The following PBX3 variants were observed in gnomAD, a reference collection of about 807,000 sequenced individuals.
PBX3 encodes the protein pre-B-cell leukemia transcription factor 3.
PBX3 carries 14 observed loss-of-function variants against 48.5 expected under a neutral mutation model. The ratio of observed to expected loss-of-function variants is 0.29; its 90% CI spans 0.19 to 0.45. The LOEUF (loss-of-function observed/expected upper bound fraction) is 0.45. Among genes scored for constraint, PBX3 ranks in the 20% least tolerant of loss-of-function variants. The pLI is 1.00. For synonymous variants in PBX3, 210 were observed against 200.3 expected, an observed-to-expected ratio of 1.05 and a Z score of -0.41; for missense variants, 386 against 546.7, an observed-to-expected ratio of 0.71 and a Z score of 2.93.
At chr9:125,802,497 T>C (rs560727993) in intron 2 of PBX3, among the ~76,000 whole-genome samples, 1 of 150,574 alleles carries the variant, frequency 6.6e-6, no homozygotes, top group South Asian at 2.1e-4. Context: ...GCCTCCCAAG[T>C]AGCTGAGACT....
rs569427187 is a variant in PBX3 at position 125,804,195 on chromosome 9, T to C, written c.274+55572T>C. On this transcript the variant is annotated intron_variant, in intron 2 of 8. Coordinates refer to ENST00000373489, the MANE Select transcript of PBX3 (RefSeq NM_006195.6). ...TGTAGGTAATCAGTGGTAGGGTTTA[T>C]AAATATAGAGTTTATTCAGTGTTAG... 2.4e-4 allele frequency among the ~76,000 whole-genome samples: 36 copies of C among 152,370 alleles called. 3 individuals carry two copies. The highest frequency in any genetic ancestry group is 2.2e-3 in the Admixed American group (33 of 15,306).
intron 5 of PBX3, among the ~76,000 whole-genome samples, chr9:125,938,089 G>T (rs1163321234): frequency 6.6e-6 from 1 of 152,118 alleles, no homozygotes; most frequent in Non-Finnish European, 1.5e-5. Flanking sequence ...CTGAAAACAG[G>T]CAACTGGAAT....
intron 2 of PBX3, among the ~76,000 whole-genome samples, chr9:125,846,555 T>C (rs1254188336): frequency 6.6e-6 from 1 of 152,006 alleles, no homozygotes; most frequent in Non-Finnish European, 1.5e-5. Context: ...AGGGTGAATT[T>C]TGAGTCACAT....
intron 2 of PBX3, among the ~76,000 whole-genome samples, chr9:125,790,333 A>G (rs183575964): frequency 2.7e-5 from 4 of 150,372 alleles, no homozygotes; most frequent in African/African-American, 4.9e-5. Context: ...GCTCACTGCA[A>G]CCTCTACCTC....
chr9:125,797,901 C>G (rs919302986), intron 2 of PBX3, among the ~76,000 whole-genome samples: 3 of 152,034 alleles, frequency 2.0e-5, no homozygotes, highest in Admixed American at 2.0e-4. Context: ...TTTGTGAAAT[C>G]AAAAATAATC....
chr9:125,908,184 G>A (rs550961454), intron 2 of PBX3, among the ~76,000 whole-genome samples: 66 of 152,268 alleles, frequency 4.3e-4, no homozygotes, highest in African/African-American at 1.5e-3. Flanking sequence ...CTTGTATTGT[G>A]AACTGGGTCT....
rs138335338 is a variant in PBX3, at chr9:125,955,670, C to T, written c.844-5014C>T. ...TTGAATTGGATTGAAACGGAGGTCCCGTTCAAGTTTGACCTTGCCTCAGAA... is the reference window on the plus strand; with the variant it reads ...TTGAATTGGATTGAAACGGAGGTCCTGTTCAAGTTTGACCTTGCCTCAGAA... On this transcript the variant is annotated intron_variant, in intron 5 of 8. Transcript: ENST00000373489. Among the ~76,000 whole-genome samples the T allele has an allele frequency of 4.1e-3, 623 of 152,258 alleles. 4 individuals are homozygous for T. Among genetic ancestry groups the T allele is most frequent in the African/African-American group, 0.013 (550 of 41,540 alleles).
At chr9:125,785,482 C>G (rs1837434082) in intron 2 of PBX3, among the ~76,000 whole-genome samples, 2 of 152,184 alleles carry the variant, frequency 1.3e-5, no homozygotes. Flanking sequence ...CCTTTGGACT[C>G]TTGGACTTAC....
chr9:125,962,224 A>G lies in PBX3; in HGVS notation c.1122+10A>G. The stretch of plus-strand genomic sequence containing the variant: ...CAATGTGCAATCACAGGTAGGAGAA[A>G]TGCCCCAGTGGGGCCTTTCTAGCAG... On this transcript the variant is annotated intron_variant, in intron 7 of 8. Transcript: ENST00000373489. 2 of 1,490,856 alleles carry G rather than the reference A, an allele frequency of 1.3e-6. No individual in the cohort carries two copies. Among genetic ancestry groups the G allele is most frequent in the Non-Finnish European group, 1.9e-6 (2 of 1,068,188 alleles). 92.4% of individuals were successfully genotyped at this position (1,490,856 alleles called of 1,614,324 possible).
chr9:125,805,744 A>G (rs1838107237), intron 2 of PBX3, among the ~76,000 whole-genome samples: 1 of 152,204 alleles, frequency 6.6e-6, no homozygotes. Flanking sequence ...AATAGAAAGT[A>G]CAGTGGGAAT....
intron 2 of PBX3, among the ~76,000 whole-genome samples, chr9:125,898,686 G>A (rs1822159548): frequency 6.6e-6 from 1 of 151,826 alleles, no homozygotes; most frequent in Non-Finnish European, 1.5e-5. Flanking sequence ...CAGATATGAA[G>A]TGAAGATACA....
Position 125,747,613 on chromosome 9 carries a change from A to G in PBX3, c.160A>G (p.Met54Val). 6.2e-7 allele frequency: 1 copy of G among 1,603,052 alleles called. No homozygotes were observed. Among genetic ancestry groups the G allele is most frequent in the Non-Finnish European group, 8.5e-7 (1 of 1,174,914 alleles). ...CATCGGCGACATCCTCCACCAGATC[A>G]TGACCATCACCGACCAGAGCTTGGA... ...QDIGDILHQI[M>V]TITDQSLDEA... The change falls in exon 1 of 9, where the codon ATG becomes GTG. Residue 54 changes from methionine to valine, a missense_variant. Transcript: ENST00000373489.
chr9:125,798,871 AGTTT>A (rs200872784), intron 2 of PBX3, among the ~76,000 whole-genome samples: 3,351 of 152,104 alleles, frequency 0.022, 139 homozygotes, highest in African/African-American at 0.076. Context: ...AACAGTCCCC[AGTTT>A]GTTTAACTAC....
At chr9:125,923,312 T>G (rs982267868) in intron 3 of PBX3, among the ~76,000 whole-genome samples, 2 of 152,218 alleles carry the variant, frequency 1.3e-5, no homozygotes, top group Non-Finnish European at 2.9e-5. Flanking sequence ...TTGAATTATT[T>G]GTTAAGATAT....
intron 2 of PBX3, among the ~76,000 whole-genome samples, chr9:125,894,252 A>C (rs1051842057): frequency 3.3e-5 from 5 of 152,196 alleles, no homozygotes; most frequent in Admixed American, 1.3e-4. Flanking sequence ...AGCAGCATTC[A>C]TTAAATACTC....
rs552787348 is a variant in PBX3, at chr9:125,786,976, C to T, written c.274+38353C>T. On this transcript the variant is annotated intron_variant, in intron 2 of 8. Coordinates refer to ENST00000373489, the MANE Select transcript of PBX3 (RefSeq NM_006195.6). Reference sequence around the variant, plus strand: ...CTGACCTCAGGTCATCTGCCCACCTCGGCCTCGCAAAGTGCTGGGATTACA... The same window carrying T: ...CTGACCTCAGGTCATCTGCCCACCTTGGCCTCGCAAAGTGCTGGGATTACA... 2.7e-4 allele frequency among the ~76,000 whole-genome samples: 41 copies of T among 152,214 alleles called. No homozygotes were observed. The South Asian group carries it at 2.7e-3, about 10-fold the overall frequency.
At chr9:125,808,515 A>G (rs748889803) in intron 2 of PBX3, among the ~76,000 whole-genome samples, 28 of 152,194 alleles carry the variant, frequency 1.8e-4, no homozygotes, top group Non-Finnish European at 3.1e-4. Context: ...AAATTTAAAA[A>G]ATTAGCCAGG....
intron 2 of PBX3, among the ~76,000 whole-genome samples, chr9:125,864,319 C>T (rs1839930234): frequency 6.6e-6 from 1 of 152,074 alleles, no homozygotes; most frequent in Non-Finnish European, 1.5e-5. Context: ...GGCTGTCCAG[C>T]ATCTCCTAGA....
At chr9:125,872,885 T>C (rs1324562301) in intron 2 of PBX3, among the ~76,000 whole-genome samples, 1 of 151,146 alleles carries the variant, frequency 6.6e-6, no homozygotes, top group African/African-American at 2.4e-5. Context: ...TAAAAACAGC[T>C]TCAAACTATA....
Sources: allele counts gnomAD v4.1 joint callset (sites outside exome capture counted in the v4.1 genomes callset), GRCh38; gene constraint gnomAD v4.1.1; transcripts MANE v1.5; gene names NCBI Gene and HGNC (gene_info 2026-07-23, HGNC 2026-07-21).